Variants in DNAJB1 observed in about 807,000 individuals in gnomAD.
DNAJB1 encodes DnaJ heat shock protein family (Hsp40) member B1, also known as dnaJ homolog subfamily B member 1.
Under a neutral mutation model 24.0 loss-of-function variants are expected in DNAJB1, and 14 were observed. The ratio of observed to expected loss-of-function variants is 0.58; its 90% CI spans 0.39 to 0.91. DNAJB1 has a LOEUF of 0.91. Ranked by LOEUF, DNAJB1 falls within the 40% of genes least tolerant of loss-of-function variation. The pLI is 0.00. For synonymous variants in DNAJB1, 262 were observed against 174.4 expected (o/e 1.50, Z -3.96); for missense variants, 517 against 458.1 (o/e 1.13, Z -1.17).
intron 2 of DNAJB1, among the ~76,000 whole-genome samples, chr19:14,523,620 GTT>G (rs201229670): frequency 5.2e-5 from 6 of 116,330 alleles, no homozygotes; most frequent in Non-Finnish European, 7.6e-5. Flanking sequence ...CCTTGTTTTT[GTT>G]TTTTTTTTTT....
rs570569649 is a variant in DNAJB1 at position 14,556,346 on chromosome 19, G to A, written c.-2165-2028C>T. ...CCACTCTCAAATGGCCATCCTCTTG[G>A]AGGTTGCAGTGAGCCGAGATCGCGC... On this transcript the variant is annotated intron_variant, in intron 1 of 5. Transcript: ENST00000679223. Among the ~76,000 whole-genome samples the A allele has an allele frequency of 6.0e-4, 91 of 151,880 alleles. 1 individual carries two copies. In the South Asian group the frequency reaches 8.3e-3, roughly 14 times the overall value.
intron 1 of DNAJB1, among the ~76,000 whole-genome samples, chr19:14,536,985 C>CGAG (rs1444826594): frequency 3.8e-5 from 2 of 52,482 alleles, no homozygotes; most frequent in African/African-American, 8.1e-5. Context: ...GGGGCGGGGC[C>CGAG]GAGGAGGAGG....
At position 14,516,987 on chromosome 19, in the gene DNAJB1, T is replaced by G; in HGVS notation, c.271A>C (p.Ser91Arg). Residue 91 changes from serine (S) to arginine (R), a missense_variant, in exon 2 of 3, where the codon AGC (serine) becomes CGC (arginine). Transcript: ENST00000254322. ...SGGGANGTSFSYTFHGDPHAM... is the reference protein window; with the variant it reads ...SGGGANGTSFRYTFHGDPHAM... ...TGAGGGTCTCCATGGAATGTGTAGC[T>G]GAAAGAGGTACCATTGGCACCACCG... 1 of 1,612,026 alleles carries G rather than the reference T, an allele frequency of 6.2e-7. No individual in the cohort carries two copies. The highest frequency in any genetic ancestry group is 8.5e-7 in the Non-Finnish European group (1 of 1,179,844).
intron 1 of DNAJB1, among the ~76,000 whole-genome samples, chr19:14,547,063 A>G (rs187620605): frequency 6.6e-6 from 1 of 152,346 alleles, no homozygotes; most frequent in East Asian, 1.9e-4. Context: ...ATAAACATGT[A>G]TTATAATAAG....
upstream of DNAJB1, chr19:14,529,522 G>T: frequency 1.2e-6 from 1 of 839,248 alleles, no homozygotes; most frequent in Non-Finnish European, 2.0e-6. Flanking sequence ...AGGGGCGAAC[G>T]TGGGCGCCTC....
intron 1 of DNAJB1, among the ~76,000 whole-genome samples, chr19:14,541,074 A>C (rs11085896): frequency 0.57 from 86,931 of 151,710 alleles, 25,594 homozygotes; most frequent in South Asian, 0.68. Flanking sequence ...GATCTGCCCA[A>C]CTTGGCCTCC....
At chr19:14,557,648 C>T (rs1488655926) in intron 1 of DNAJB1, among the ~76,000 whole-genome samples, 1 of 151,670 alleles carries the variant, frequency 6.6e-6, no homozygotes, top group Non-Finnish European at 1.5e-5. Context: ...GACGGGGTTT[C>T]GCCATGTTGT....
chr19:14,551,852 C>T (rs1450924224), upstream of DNAJB1, among the ~76,000 whole-genome samples: 1 of 150,654 alleles, frequency 6.6e-6, no homozygotes, highest in African/African-American at 2.4e-5. Context: ...TTGGTTTTAC[C>T]CTTATTTCTT....
At chr19:14,517,206 C>G (rs568826580) in intron 1 of DNAJB1, 160 bp from the exon 2 acceptor site, 8 of 657,046 alleles carry the variant, frequency 1.2e-5, no homozygotes, top group Admixed American at 3.0e-5. Flanking sequence ...TCACTGCCAA[C>G]AGCAGAGACG....
Position 14,518,326 on chromosome 19 carries a change from C to A in DNAJB1, c.24G>T (p.Thr8=), listed in dbSNP as rs141518218. The A allele has an allele frequency of 5.0e-6, 8 of 1,600,878 alleles. No homozygotes were observed. Among genetic ancestry groups the A allele is most frequent in the Admixed American group, 1.7e-5 (1 of 58,304 alleles). The change falls in exon 1 of 3, where the codon ACG becomes ACT. Residue 8 remains threonine, a synonymous_variant. Transcript: ENST00000254322. ...CCGACGCGCCGCGGGCCAGGCCCAA[C>A]GTCTGGTAGTAGTCTTTACCCATGA... MGKDYYQ[T]LGLARGASDE...
At chr19:14,555,648 C>G (rs1482872418) in intron 1 of DNAJB1, among the ~76,000 whole-genome samples, 2 of 151,792 alleles carry the variant, frequency 1.3e-5, no homozygotes, top group Non-Finnish European at 2.9e-5. Context: ...ACCATGTTGG[C>G]CAGGCTGGTC....
chr19:14,524,026 T>C (rs2072391038), intron 2 of DNAJB1, among the ~76,000 whole-genome samples: 1 of 152,178 alleles, frequency 6.6e-6, no homozygotes, highest in African/African-American at 2.4e-5. Flanking sequence ...GGGCTATCAT[T>C]ACACCCATTT....
chr19:14,543,411 ATATATATATTTTTTTTTTTTTTTTTTTT>A (rs1370892628), intron 1 of DNAJB1, among the ~76,000 whole-genome samples: 1 of 9,114 alleles, frequency 1.1e-4, no homozygotes, highest in Non-Finnish European at 2.6e-4. Context: ...ATATATATAT[ATATATATATTTTTTTTTTTTTTTTTTTT>A]TTTTTTTTTT....
At chr19:14,517,172 G>A (rs1467521121) in intron 1 of DNAJB1, 126 bp from the exon 2 acceptor site, 49 of 942,414 alleles carry the variant, frequency 5.2e-5, no homozygotes, top group Non-Finnish European at 6.2e-5. Flanking sequence ...GGGAGAGCAA[G>A]GAAGAACCCC....
At chr19:14,524,574 G>T (rs905344041) in intron 2 of DNAJB1, among the ~76,000 whole-genome samples, 24 of 152,234 alleles carry the variant, frequency 1.6e-4, no homozygotes, top group African/African-American at 5.8e-4. Context: ...GGCTGGGTGC[G>T]GTGGCTCATG....
At chr19:14,517,077 G>A (rs771077697) in intron 1 of DNAJB1, 31 bp from the exon 2 acceptor site, 4 of 1,572,890 alleles carry the variant, frequency 2.5e-6, no homozygotes, top group Non-Finnish European at 3.5e-6. Flanking sequence ...CAGTCAGATG[G>A]CTGAACAGCA....
At chr19:14,549,716 G>A (rs966248828) in intron 1 of DNAJB1, among the ~76,000 whole-genome samples, 1 of 151,978 alleles carries the variant, frequency 6.6e-6, no homozygotes, top group Non-Finnish European at 1.5e-5. Flanking sequence ...AGGCTTAGGC[G>A]GGCAGATCAC....
intron 1 of DNAJB1, 76 bp downstream of exon 1, chr19:14,518,063 G>T (rs1375502825): frequency 1.4e-5 from 19 of 1,334,882 alleles, no homozygotes; most frequent in Non-Finnish European, 1.6e-5. Flanking sequence ...CCGGGGGGCC[G>T]CCGAGAGGGG....
intron 2 of DNAJB1, among the ~76,000 whole-genome samples, chr19:14,524,429 G>A (rs1246383224): frequency 1.3e-5 from 2 of 152,046 alleles, no homozygotes; most frequent in Non-Finnish European, 2.9e-5. Context: ...AGGCTGAGGT[G>A]GGAGGATCAC....
Sources: allele counts gnomAD v4.1 joint callset (sites outside exome capture counted in the v4.1 genomes callset), GRCh38; gene constraint gnomAD v4.1.1; transcripts MANE v1.5; gene names NCBI Gene and HGNC (gene_info 2026-07-23, HGNC 2026-07-21).